RXFP2: variants seen among roughly 807,000 people sequenced by gnomAD.
RXFP2 encodes the protein relaxin receptor 2.
In RXFP2, 68 loss-of-function variants were observed where a neutral mutation model predicts 88.6. The ratio of observed to expected loss-of-function variants is 0.77; its 90% CI spans 0.63 to 0.94. The LOEUF (loss-of-function observed/expected upper bound fraction) is 0.94. RXFP2 is among the 40% of genes least tolerant of loss of function. The probability of loss-of-function intolerance (pLI) is 0.00; values close to 1 mark genes in which losing one functional copy is unlikely to be tolerated. For missense variants in RXFP2, 791 were observed against 893.9 expected (o/e 0.88, Z 1.47); for synonymous variants, 329 against 306.8 (o/e 1.07, Z -0.76).
At chr13:31,742,353 C>G (rs1310145299) in intron 1 of RXFP2, among the ~76,000 whole-genome samples, 1 of 152,190 alleles carries the variant, frequency 6.6e-6, no homozygotes, top group African/African-American at 2.4e-5. Flanking sequence ...ATGTCAGTTT[C>G]ACTTGGCCAC....
intron 1 of RXFP2, among the ~76,000 whole-genome samples, chr13:31,741,439 T>C (rs1024195870): frequency 1.7e-4 from 26 of 152,174 alleles, no homozygotes; most frequent in Non-Finnish European, 3.5e-4. Flanking sequence ...CTATAATTAG[T>C]AAAACTCTTT....
chr13:31,750,956 G>A (rs144923936), intron 1 of RXFP2, among the ~76,000 whole-genome samples: 363 of 152,258 alleles, frequency 2.4e-3, no homozygotes, highest in Non-Finnish European at 4.3e-3. Context: ...TGGTTGACTC[G>A]TTTGTTTTGA....
chr13:31,787,629 T>TTTTCTTTC (rs556368750), intron 13 of RXFP2, among the ~76,000 whole-genome samples: 6 of 151,686 alleles, frequency 4.0e-5, no homozygotes, highest in African/African-American at 1.5e-4. Context: ...TCTTTAGTGT[T>TTTTCTTTC]TTTCTTTCTT....
chr13:31,760,380 T>C (rs1030735184), intron 2 of RXFP2, among the ~76,000 whole-genome samples: 2 of 152,148 alleles, frequency 1.3e-5, no homozygotes, highest in Admixed American at 1.3e-4. Flanking sequence ...CATGAGCCAC[T>C]GCGCTTGGCC....
intron 9 of RXFP2, among the ~76,000 whole-genome samples, chr13:31,779,128 T>C (rs200899334): frequency 7.1e-6 from 1 of 141,030 alleles, no homozygotes; most frequent in Non-Finnish European, 1.5e-5. Context: ...GGGCTTGTCT[T>C]TTTTTTTTTT....
chr13:31,769,833 G>C (rs896142521), intron 5 of RXFP2, among the ~76,000 whole-genome samples: 1 of 152,168 alleles, frequency 6.6e-6, no homozygotes, highest in African/African-American at 2.4e-5. Context: ...TCCTGTTAGA[G>C]TCAGCTTTTC....
At position 31,802,292 on chromosome 13, in the gene RXFP2, A is replaced by T. The variant is rs200447228; in HGVS notation, c.2152A>T (p.Lys718Ter). The change falls in exon 18 of 18, where the codon AAA becomes TAA. Residue 718 changes from lysine (K) to a stop codon, truncating the protein, a stop_gained. Transcript: ENST00000298386. LOFTEE classifies it high-confidence loss of function. Reference protein sequence around the residue: ...KHQRKSIFKIKKKSLSTSIVW... With the variant: ...KHQRKSIFKI ...TCAGAGGAAATCAATTTTCAAAATT[A>T]AAAAAAAAAGTTTATCTACATCCAT... The T allele has an allele frequency of 4.7e-5, 72 of 1,526,388 alleles. No homozygotes were observed. Among genetic ancestry groups the T allele is most frequent in the Non-Finnish European group, 5.7e-5 (63 of 1,111,288 alleles). The allele number at this position is 1,526,388 out of a possible 1,614,324, so 94.6% of individuals were successfully genotyped here.
At chr13:31,759,389 G>GA (rs1322115762) in intron 2 of RXFP2, among the ~76,000 whole-genome samples, 1 of 139,052 alleles carries the variant, frequency 7.2e-6, no homozygotes, top group African/African-American at 2.7e-5. Flanking sequence ...AAGAAAGAAA[G>GA]AAAGAAAGAA....
intron 4 of RXFP2, among the ~76,000 whole-genome samples, chr13:31,765,598 G>C (rs1040002380): frequency 5.3e-5 from 8 of 152,046 alleles, no homozygotes; most frequent in Non-Finnish European, 8.8e-5. Context: ...AAAGCCTCAG[G>C]AATTTGCAGT....
intron 5 of RXFP2, among the ~76,000 whole-genome samples, chr13:31,769,054 T>G (rs1357006895): frequency 1.3e-5 from 2 of 152,202 alleles, no homozygotes; most frequent in Non-Finnish European, 2.9e-5. Context: ...GTGATGAATA[T>G]TTATTGATAC....
Position 31,786,624 on chromosome 13 carries a change from C to G in RXFP2, c.1060C>G (p.Gln354Glu). The G allele has an allele frequency of 6.4e-7, 1 of 1,573,468 alleles. No homozygotes were observed. The highest frequency in any genetic ancestry group is 8.7e-7 in the Non-Finnish European group (1 of 1,144,084). The change falls in exon 13 of 18, where the codon CAA (glutamine) becomes GAA (glutamate). Residue 354 changes from glutamine (Q) to glutamate (E), a missense_variant. By Grantham distance (29) the Gln-to-Glu change is conservative. Transcript: ENST00000298386. ...CAAGAACCAGTTTGAAAGTCTTAAA[C>G]AACTTCAGTCTCTGTAAGTGAAATA... ...LHKNQFESLK[Q>E]LQSLDLERIE...
At chr13:31,799,509 C>T (rs1474950909) in intron 17 of RXFP2, among the ~76,000 whole-genome samples, 1 of 152,152 alleles carries the variant, frequency 6.6e-6, no homozygotes, top group Non-Finnish European at 1.5e-5. Context: ...ACCACCAAGC[C>T]TGACCCCGTC....
intron 2 of RXFP2, among the ~76,000 whole-genome samples, chr13:31,761,144 G>A (rs1192599087): frequency 6.6e-6 from 1 of 151,974 alleles, no homozygotes; most frequent in Non-Finnish European, 1.5e-5. Context: ...TGTAAAGAGA[G>A]GGTCTCCCTA....
chr13:31,787,587 A>G (rs1873601253), intron 13 of RXFP2, among the ~76,000 whole-genome samples: 1 of 152,194 alleles, frequency 6.6e-6, no homozygotes, highest in South Asian at 2.1e-4. Flanking sequence ...ATTATTTATT[A>G]CATACTTTTC....
chr13:31,759,459 T>C (rs1164189739), intron 2 of RXFP2, among the ~76,000 whole-genome samples: 1 of 81,658 alleles, frequency 1.2e-5, no homozygotes, highest in Non-Finnish European at 2.7e-5. Context: ...CTGTGAAATA[T>C]TCTGGAGGGG....
intron 1 of RXFP2, among the ~76,000 whole-genome samples, chr13:31,753,008 A>G (rs889787953): frequency 6.6e-6 from 1 of 152,160 alleles, no homozygotes; most frequent in African/African-American, 2.4e-5. Context: ...CACCATTGCC[A>G]TCCTTGGTGA....
Position 31,778,471 on chromosome 13 carries a change from C to T in RXFP2, c.714-41C>T, listed in dbSNP as rs372569760. The T allele has an allele frequency of 1.6e-4, 215 of 1,309,988 alleles. No homozygotes were observed. The African/African-American group carries it at 2.7e-3, about 16-fold the overall frequency. 81.1% of individuals were successfully genotyped at this position (1,309,988 alleles called of 1,614,324 possible). On this transcript the variant is annotated intron_variant, in intron 8 of 17. Transcript: ENST00000298386. ...AATAAAAAGACTGTCCTAAAAGTGT[C>T]ATATCATTTTATTTCTAATTAACAT...
intron 17 of RXFP2, among the ~76,000 whole-genome samples, chr13:31,798,573 C>T (rs1874168647): frequency 6.6e-6 from 1 of 152,152 alleles, no homozygotes; most frequent in Non-Finnish European, 1.5e-5. Context: ...ATTACTGCTA[C>T]CTGGACATCT....
chr13:31,746,560 A>G (rs1248815309), intron 1 of RXFP2, among the ~76,000 whole-genome samples: 2 of 152,278 alleles, frequency 1.3e-5, no homozygotes, highest in African/African-American at 2.4e-5. Context: ...AAATTAATAA[A>G]CTCATAAGAC....
Sources: gnomAD v4.1 joint callset for allele counts (sites outside exome capture counted in the v4.1 genomes callset) on GRCh38, gnomAD v4.1.1 for gene constraint, MANE v1.5 for transcripts, NCBI Gene and HGNC (gene_info 2026-07-23, HGNC 2026-07-21) for gene names.